ARFRP1: variants seen among roughly 807,000 people sequenced by gnomAD.
ARFRP1 encodes ADP-ribosylation factor-related protein 1.
ARFRP1 carries 19 observed loss-of-function variants against 30.3 expected under a neutral mutation model. That is an observed-to-expected ratio of 0.63 (90% CI 0.44 to 0.92). ARFRP1 has a LOEUF of 0.92. Ranked by LOEUF, ARFRP1 falls within the 40% of genes least tolerant of loss-of-function variation. The pLI, the probability that ARFRP1 is intolerant of heterozygous loss-of-function variation, is 0.00. For synonymous variants in ARFRP1, 133 were observed against 114.2 expected, an observed-to-expected ratio of 1.16 and a Z score of -1.05; for missense variants, 245 against 267.5, an observed-to-expected ratio of 0.92 and a Z score of 0.59.
Position 63,702,118 on chromosome 20 carries a change from C to T in ARFRP1, c.346+18G>A. The T allele has an allele frequency of 4.4e-6, 7 of 1,608,364 alleles. No homozygotes were observed. The highest frequency in any genetic ancestry group is 5.9e-6 in the Non-Finnish European group (7 of 1,178,196). On this transcript the variant is annotated intron_variant, in intron 5 of 7. Transcript: ENST00000622789. ...CACTCACCATCCATCCCTCCCAGAG[C>T]AGCCAGGCCGCACTCACCAAACGCC...
In ARFRP1 at chr20:63,702,167, C is replaced by G. The variant is rs528253332; in HGVS notation, c.315G>C (p.Glu105Asp). The change falls in exon 5 of 8, where the codon GAG becomes GAC. Residue 105 changes from glutamate to aspartate, a missense_variant. By Grantham distance (45) the Glu-to-Asp change is conservative (BLOSUM62 2). Coordinates refer to ENST00000622789, the MANE Select transcript of ARFRP1 (RefSeq NM_001267547.3). ...CCTGCTTGGACTCAGCCAGCCTCTC[C>G]TCGTCGGTGGAGTCAATGACGTAGA... is the stretch of plus-strand genomic sequence containing the variant. ...GVIYVIDSTD[E>D]ERLAESKQAF... The G allele has an allele frequency of 1.1e-5, 17 of 1,612,186 alleles. No homozygotes were observed. The East Asian group carries it at 1.6e-4, about 15-fold the overall frequency.
intron 1 of ARFRP1, chr20:63,707,537 C>G (rs1490085837): frequency 6.1e-6 from 1 of 164,400 alleles, no homozygotes; most frequent in Non-Finnish European, 1.3e-5. Context: ...GGCGCGCTCC[C>G]CAGGAGCCCC....
In ARFRP1 at chr20:63,706,423, C is replaced by T; in HGVS notation, c.198G>A (p.Val66=). 6.2e-7 allele frequency: 1 copy of T among 1,613,410 alleles called. No homozygotes were observed. Among genetic ancestry groups the T allele is most frequent in the Non-Finnish European group, 8.5e-7 (1 of 1,180,008 alleles). The stretch of plus-strand genomic sequence containing the variant: ...CCCAGAACATGAGCCGAGCCTTTCC[C>T]ACATCCACAGTGCCGACTGGGGAGA... The part of the protein sequence containing the change: ...TVGLNIGTVD[V]GKARLMFWDL... The change falls in exon 4 of 8, where the codon GTG becomes GTA. Residue 66 remains valine (V), a synonymous_variant. Transcript: ENST00000622789.
At chr20:63,706,300 G>A in intron 4 of ARFRP1, 57 bp downstream of exon 4, 3 of 1,517,436 alleles carry the variant, frequency 2.0e-6, no homozygotes, top group Non-Finnish European at 9.1e-7. Context: ...AGGGCACTCT[G>A]GAAAGAAGTG....
At chr20:63,706,042 A>G (rs908324699) in intron 4 of ARFRP1, 46 of 373,474 alleles carry the variant, frequency 1.2e-4, no homozygotes, top group African/African-American at 7.1e-4. Context: ...CACTCTGTCA[A>G]CAGGTTCCCC....
intron 1 of ARFRP1, 61 bp from the exon 2 acceptor site, chr20:63,707,158 T>C: frequency 6.9e-7 from 1 of 1,455,648 alleles, no homozygotes. Flanking sequence ...CCCGGGCTTC[T>C]CCACGGTGGT....
intron 4 of ARFRP1, chr20:63,704,798 A>G (rs541606059): frequency 6.6e-6 from 1 of 152,348 alleles, no homozygotes; most frequent in African/African-American, 2.4e-5. Context: ...AGATGGTCTC[A>G]TTTTGGTTTC....
At chr20:63,702,496 T>C (rs1352224085) in intron 4 of ARFRP1, 8 of 460,136 alleles carry the variant, frequency 1.7e-5, no homozygotes, top group Middle Eastern at 1.2e-3. Flanking sequence ...CTCACACTTA[T>C]TATCCCAACA....
chr20:63,707,398 G>A (rs894191781), intron 1 of ARFRP1: 6 of 285,364 alleles, frequency 2.1e-5, no homozygotes, highest in African/African-American at 1.1e-4. Context: ...CCGCGCTCCC[G>A]CCCTCCCCCG....
rs2091140967 is a variant in ARFRP1 at position 63,700,420 on chromosome 20, TC to T, written c.*22del. Reference sequence around the variant, plus strand: ...TCCTCCAGCACCAGGGGACCAGCCGTCCCGACGGCAGCGCGGCTGCGCCTAC... The same window carrying T: ...TCCTCCAGCACCAGGGGACCAGCCGTCCGACGGCAGCGCGGCTGCGCCTAC... On this transcript the variant is annotated 3_prime_UTR_variant, in exon 8 of 8. Coordinates refer to ENST00000622789, the MANE Select transcript of ARFRP1 (RefSeq NM_001267547.3). 2 of 1,604,988 alleles carry T rather than the reference TC, an allele frequency of 1.2e-6. No homozygotes were observed. Among genetic ancestry groups the T allele is most frequent in the Non-Finnish European group, 1.7e-6 (2 of 1,179,530 alleles).
chr20:63,707,932 A>ACCCCGCGCTC lies in ARFRP1; in HGVS notation c.-73_-72insGAGCGCGGGG. 6.6e-6 allele frequency: 1 copy of ACCCCGCGCTC among 152,276 alleles called. No individual in the cohort carries two copies. The allele number at this position is 152,276 out of a possible 1,614,324, so 9.4% of individuals were successfully genotyped here. ...CGCTGACCTCCGCTGACCCCGCGCT[A>ACCCCGCGCTC]ACCCCGCGCGGCGCCTGACGGGACG... On this transcript the variant is annotated 5_prime_UTR_variant, in exon 1 of 8. Transcript: ENST00000622789.
intron 4 of ARFRP1, 167 bp downstream of exon 4, chr20:63,706,190 G>C (rs1196301908): frequency 4.5e-6 from 3 of 664,724 alleles, no homozygotes; most frequent in Non-Finnish European, 7.8e-6. Context: ...TAAGGGTTCA[G>C]CTGGGACAAA....
At chr20:63,703,699 C>A (rs966239935) in intron 4 of ARFRP1, 1 of 152,272 alleles carries the variant, frequency 6.6e-6, no homozygotes, top group African/African-American at 2.4e-5. Flanking sequence ...GCTCCTGGGG[C>A]TTCTGAGCAG....
intron 4 of ARFRP1, 174 bp downstream of exon 4, chr20:63,706,183 G>A (rs1048301934): frequency 3.2e-6 from 2 of 629,490 alleles, no homozygotes; most frequent in Non-Finnish European, 5.6e-6. Context: ...CTTCAGCTAA[G>A]GGTTCAGCTG....
chr20:63,706,220 C>A (rs1317237545), intron 4 of ARFRP1, 137 bp downstream of exon 4: 2 of 817,264 alleles, frequency 2.4e-6, no homozygotes, highest in East Asian at 2.5e-5. Flanking sequence ...CACTCGGGAA[C>A]CTGGGACAGG....
At chr20:63,700,842 G>A in intron 6 of ARFRP1, 140 bp from the exon 7 acceptor site, 1 of 1,193,636 alleles carries the variant, frequency 8.4e-7, no homozygotes, top group Non-Finnish European at 1.2e-6. Flanking sequence ...GTCTCCCACA[G>A]AGACCACAGC....
rs1003432522 is a variant in ARFRP1 at position 63,700,393 on chromosome 20, A to G, written c.*50T>C. 26 of 1,599,176 alleles carry G rather than the reference A, an allele frequency of 1.6e-5. No individual in the cohort carries two copies. In the African/African-American group the frequency reaches 2.9e-4, roughly 18 times the overall value. ...GCAGCATGGGAGCCAACAGGAGGCC[A>G]CTCCTCCAGCACCAGGGGACCAGCC... On this transcript the variant is annotated 3_prime_UTR_variant, in exon 8 of 8. Coordinates refer to ENST00000622789, the MANE Select transcript of ARFRP1 (RefSeq NM_001267547.3).
chr20:63,702,200 G>A lies in ARFRP1; in HGVS notation c.282C>T (p.His94=), dbSNP rs201763429. The A allele has an allele frequency of 1.2e-5, 20 of 1,611,806 alleles. No individual in the cohort carries two copies. The highest frequency in any genetic ancestry group is 2.2e-5 in the South Asian group (2 of 91,076). The change falls in exon 5 of 8, where the codon CAC becomes CAT. Residue 94 remains histidine, a synonymous_variant. Coordinates refer to ENST00000622789, the MANE Select transcript of ARFRP1 (RefSeq NM_001267547.3). ...SLWDKYYAEC[H]GVIYVIDSTD... ...TGGAGTCAATGACGTAGATGACGCC[G>A]TGACACTCCGCATAATACTGGGAGG...
In ARFRP1 at chr20:63,702,197, G is replaced by C. The variant is rs777766763; in HGVS notation, c.285C>G (p.Gly95=). 4 of 1,611,840 alleles carry C rather than the reference G, an allele frequency of 2.5e-6. No homozygotes were observed. Among genetic ancestry groups the C allele is most frequent in the Admixed American group, 3.3e-5 (2 of 59,980 alleles). ...CGGTGGAGTCAATGACGTAGATGAC[G>C]CCGTGACACTCCGCATAATACTGGG... The part of the protein sequence containing the change: ...LWDKYYAECH[G]VIYVIDSTDE... The change falls in exon 5 of 8, where the codon GGC becomes GGG. Residue 95 remains glycine (G), a synonymous_variant. Transcript: ENST00000622789.
Sources: allele counts gnomAD v4.1 joint callset, GRCh38; gene constraint gnomAD v4.1.1; transcripts MANE v1.5; gene names NCBI Gene and HGNC (gene_info 2026-07-23, HGNC 2026-07-21).